THSD7B: variants seen among roughly 807,000 people sequenced by gnomAD.
The protein encoded by THSD7B is thrombospondin type-1 domain-containing protein 7B.
In THSD7B, 138 loss-of-function variants were observed where a neutral mutation model predicts 213.6. That is an observed-to-expected ratio of 0.65 (90% CI 0.56 to 0.74). The LOEUF is 0.74. Ranked by LOEUF, THSD7B falls within the 30% of genes least tolerant of loss-of-function variation. THSD7B has a pLI of 0.00. For missense variants in THSD7B, 1,931 were observed against 1,991.5 expected (o/e 0.97, Z 0.58); for synonymous variants, 742 against 687.0 (o/e 1.08, Z -1.25).
chr2:137,676,591 G>GAC lies in THSD7B; in HGVS notation c.4808_4809dup (p.Leu1604ThrfsTer2), dbSNP rs1683706613. ...GCCTCTGACCTTAGCCTACGATGGA[G>GAC]ACTTAGACATGTAATCTGAAAAAGA... is the stretch of plus-strand genomic sequence containing the variant. On this transcript the variant is annotated frameshift_variant, in exon 28 of 28. Transcript: ENST00000409968. LOFTEE classifies it high-confidence loss of function. 6.3e-7 allele frequency: 1 copy of GAC among 1,584,832 alleles called. No homozygotes were observed. The highest frequency in any genetic ancestry group is 1.4e-5 in the African/African-American group (1 of 73,540).
chr2:137,047,138 A>G (rs1334838699), intron 2 of THSD7B, among the ~76,000 whole-genome samples: 1 of 152,202 alleles, frequency 6.6e-6, no homozygotes, highest in East Asian at 1.9e-4. Context: ...TGAAGGCGGA[A>G]TGGGAGGATA....
chr2:137,571,788 C>T (rs1297403656), intron 16 of THSD7B, among the ~76,000 whole-genome samples: 2 of 152,128 alleles, frequency 1.3e-5, no homozygotes, highest in Non-Finnish European at 2.9e-5. Flanking sequence ...TGATTAATTG[C>T]TGCATGAAAA....
intron 15 of THSD7B, among the ~76,000 whole-genome samples, chr2:137,485,692 G>A (rs1391755113): frequency 6.6e-6 from 1 of 152,150 alleles, no homozygotes; most frequent in Non-Finnish European, 1.5e-5. Flanking sequence ...ACACATAATT[G>A]TCAGATTCAC....
chr2:137,288,006 C>T (rs1683225098), intron 12 of THSD7B, among the ~76,000 whole-genome samples: 1 of 152,078 alleles, frequency 6.6e-6, no homozygotes, highest in Admixed American at 6.6e-5. Context: ...CCCTGGCTTC[C>T]CTTAACACTT....
At chr2:137,591,818 G>C (rs1187968839) in intron 17 of THSD7B, among the ~76,000 whole-genome samples, 1 of 151,814 alleles carries the variant, frequency 6.6e-6, no homozygotes, top group Non-Finnish European at 1.5e-5. Context: ...ATGTTCGGCT[G>C]ATCTTTGTTT....
At chr2:137,264,831 TTTA>T (rs1222532848) in intron 10 of THSD7B, among the ~76,000 whole-genome samples, 7 of 151,594 alleles carry the variant, frequency 4.6e-5, no homozygotes. Flanking sequence ...TTATTTTTTA[TTTA>T]TTATTATTAT....
chr2:137,210,396 T>C (rs1351609670), intron 7 of THSD7B, among the ~76,000 whole-genome samples: 1 of 152,094 alleles, frequency 6.6e-6, no homozygotes, highest in East Asian at 1.9e-4. Flanking sequence ...GGTTCAGAGA[T>C]ATATGGGGAA....
intron 12 of THSD7B, among the ~76,000 whole-genome samples, chr2:137,397,659 C>T (rs962780830): frequency 1.3e-4 from 19 of 151,314 alleles, no homozygotes; most frequent in African/African-American, 2.7e-4. Flanking sequence ...TTGCTCTTCT[C>T]GAGGAGTATC....
intron 3 of THSD7B, among the ~76,000 whole-genome samples, chr2:137,077,893 C>G (rs1687664380): frequency 6.6e-6 from 1 of 152,096 alleles, no homozygotes; most frequent in Non-Finnish European, 1.5e-5. Flanking sequence ...GACATGAAGT[C>G]CTTGTCCATG....
chr2:136,799,530 T>G (rs1357679699), intron 1 of THSD7B, among the ~76,000 whole-genome samples: 1 of 152,098 alleles, frequency 6.6e-6, no homozygotes, highest in East Asian at 1.9e-4. Context: ...TCAGCTATAT[T>G]GCACATCATT....
At chr2:136,859,794 C>G (rs893208861) in intron 1 of THSD7B, among the ~76,000 whole-genome samples, 2 of 152,034 alleles carry the variant, frequency 1.3e-5, no homozygotes, top group Admixed American at 6.6e-5. Context: ...AAAAGAGCAG[C>G]CCAGCACTGA....
At chr2:137,509,029 C>T (rs920371984) in intron 15 of THSD7B, among the ~76,000 whole-genome samples, 2 of 152,140 alleles carry the variant, frequency 1.3e-5, no homozygotes, top group Non-Finnish European at 2.9e-5. Context: ...CAGGTTGACA[C>T]TAATTCCTGA....
chr2:137,322,479 A>G (rs1684282672), intron 12 of THSD7B, among the ~76,000 whole-genome samples: 1 of 152,138 alleles, frequency 6.6e-6, no homozygotes, highest in South Asian at 2.1e-4. Flanking sequence ...AAGAAATCCC[A>G]TGAGGTGGGT....
At chr2:137,252,871 T>C in intron 10 of THSD7B, among the ~76,000 whole-genome samples, 1 of 151,386 alleles carries the variant, frequency 6.6e-6, no homozygotes, top group Admixed American at 6.6e-5. Flanking sequence ...GGTGCTAAAC[T>C]ATTGGAAGAG....
chr2:137,638,922 T>C, intron 20 of THSD7B, among the ~76,000 whole-genome samples: 1 of 152,190 alleles, frequency 6.6e-6, no homozygotes, highest in Non-Finnish European at 1.5e-5. Flanking sequence ...ACTTGGGTGC[T>C]GTTAAAAGCA....
At chr2:137,351,389 C>A (rs1279030194) in intron 12 of THSD7B, among the ~76,000 whole-genome samples, 1 of 151,832 alleles carries the variant, frequency 6.6e-6, no homozygotes, top group Non-Finnish European at 1.5e-5. Flanking sequence ...TTCACAAATG[C>A]AATTTTTGTG....
In THSD7B at chr2:137,627,221, G is replaced by A. The variant is rs144395246; in HGVS notation, c.3799+6495G>A. Reference sequence around the variant, plus strand: ...GAGTGAGAACTCACTCTCCCCCAAGGGAGGGCATTAATTTATTAACGAGGA... The same window carrying A: ...GAGTGAGAACTCACTCTCCCCCAAGAGAGGGCATTAATTTATTAACGAGGA... On this transcript the variant is annotated intron_variant, in intron 20 of 27. Coordinates refer to ENST00000409968, the MANE Select transcript of THSD7B (RefSeq NM_001316349.2). 3.9e-3 allele frequency among the ~76,000 whole-genome samples: 588 copies of A among 152,256 alleles called. 1 individual carries two copies. Among genetic ancestry groups the A allele is most frequent in the African/African-American group, 0.013 (555 of 41,542 alleles).
chr2:137,665,996 C>T lies in THSD7B; in HGVS notation c.4652-1778C>T, dbSNP rs79712189. 6.4e-3 allele frequency among the ~76,000 whole-genome samples: 979 copies of T among 152,128 alleles called. 10 individuals carry two copies. The highest frequency in any genetic ancestry group is 0.022 in the African/African-American group (920 of 41,510). On this transcript the variant is annotated intron_variant, in intron 26 of 27. Transcript: ENST00000409968. ...TACAGAGAAAAACTAGAAAGATTCA[C>T]GAGGAAACTGGTAACAGTAATAGCT...
intron 3 of THSD7B, among the ~76,000 whole-genome samples, chr2:137,074,503 G>C (rs1687574002): frequency 6.6e-6 from 1 of 152,178 alleles, no homozygotes; most frequent in South Asian, 2.1e-4. Context: ...TGGGTTTCCT[G>C]AATAGAGCAC....
Sources: gnomAD v4.1 joint callset for allele counts (sites outside exome capture counted in the v4.1 genomes callset) on GRCh38, gnomAD v4.1.1 for gene constraint, MANE v1.5 for transcripts, NCBI Gene and HGNC (gene_info 2026-07-23, HGNC 2026-07-21) for gene names.